The following FAM78B variants were observed in gnomAD, a reference collection of about 807,000 sequenced individuals.
The protein encoded by FAM78B is family with sequence similarity 78 member B.
A neutral mutation model predicts 20.0 loss-of-function variants in FAM78B; 10 were observed. The ratio of observed to expected loss-of-function variants is 0.50; its 90% confidence interval spans 0.31 to 0.85. The LOEUF (loss-of-function observed/expected upper bound fraction) is 0.85, where lower values mean the gene tolerates loss of function less well. FAM78B is among the 40% of genes least tolerant of loss of function. FAM78B has a pLI of 0.05. For synonymous variants in FAM78B, 135 were observed against 132.8 expected (o/e 1.02, Z -0.12); for missense variants, 283 against 345.0 (o/e 0.82, Z 1.42).
At chr1:166,133,712 G>A (rs1654963940) in intron 1 of FAM78B, among the ~76,000 whole-genome samples, 1 of 152,200 alleles carries the variant, frequency 6.6e-6, no homozygotes, top group Middle Eastern at 3.4e-3. Flanking sequence ...GCAGGTCTTT[G>A]CACACCTGTG....
chr1:166,082,895 C>T (rs1278392112), intron 1 of FAM78B, among the ~76,000 whole-genome samples: 4 of 152,162 alleles, frequency 2.6e-5, no homozygotes, highest in African/African-American at 9.6e-5. Context: ...TGGCAAGGTA[C>T]TAAGTGCCTT....
chr1:166,127,306 T>A (rs1424579400), intron 1 of FAM78B, among the ~76,000 whole-genome samples: 1 of 152,166 alleles, frequency 6.6e-6, no homozygotes, highest in African/African-American at 2.4e-5. Flanking sequence ...AGAGACTGCA[T>A]ATATATTGGC....
chr1:166,161,364 T>A (rs894447116), intron 1 of FAM78B, among the ~76,000 whole-genome samples: 3 of 152,200 alleles, frequency 2.0e-5, no homozygotes, highest in Non-Finnish European at 4.4e-5. Flanking sequence ...GTCAGGCTGG[T>A]CTTGAACTCC....
In FAM78B at chr1:166,070,298, C is replaced by T; in HGVS notation, c.729G>A (p.Gln243=). ...CCCGCTTGGGCCTCCACATGAGGAC[C>T]TGGGCATCATTGGCATTGGGTTTCA... ...ALVKPNANDA[Q]VLMWRPKRGP... The change falls in exon 2 of 2, where the codon CAG becomes CAA. Residue 243 remains glutamine, a synonymous_variant. Transcript: ENST00000354422. 1 of 1,579,582 alleles carries T rather than the reference C, an allele frequency of 6.3e-7. No homozygotes were observed. The highest frequency in any genetic ancestry group is 8.6e-7 in the Non-Finnish European group (1 of 1,160,938).
chr1:166,118,411 A>T (rs879498120), intron 1 of FAM78B, among the ~76,000 whole-genome samples: 1 of 152,194 alleles, frequency 6.6e-6, no homozygotes, highest in Non-Finnish European at 1.5e-5. Context: ...TCACATAGCA[A>T]ATAAAAGAAC....
intron 1 of FAM78B, among the ~76,000 whole-genome samples, chr1:166,078,385 G>A (rs1652420678): frequency 6.6e-6 from 1 of 152,074 alleles, no homozygotes; most frequent in Non-Finnish European, 1.5e-5. Context: ...TCTCCTCACT[G>A]TGATAAACAG....
chr1:166,154,610 G>A (rs1267696315), intron 1 of FAM78B: 4 of 436,082 alleles, frequency 9.2e-6, no homozygotes, highest in Non-Finnish European at 1.9e-5. Context: ...TCTGCCTGAA[G>A]ACCTGGACCC....
chr1:166,149,597 T>C (rs1046219506), intron 1 of FAM78B, among the ~76,000 whole-genome samples: 1 of 152,202 alleles, frequency 6.6e-6, no homozygotes, highest in Non-Finnish European at 1.5e-5. Flanking sequence ...TTTCTCTCAT[T>C]ACATGGAGAA....
At chr1:166,149,629 T>C (rs1002452849) in intron 1 of FAM78B, among the ~76,000 whole-genome samples, 3 of 152,224 alleles carry the variant, frequency 2.0e-5, no homozygotes, top group Non-Finnish European at 4.4e-5. Context: ...TCTCTAAAAG[T>C]TGAGTGTGAG....
intron 1 of FAM78B, among the ~76,000 whole-genome samples, chr1:166,084,237 A>ACACACACACACACACACACACACACT (rs771421402): frequency 1.0e-3 from 126 of 125,436 alleles, no homozygotes; most frequent in African/African-American, 3.5e-3. Context: ...ACACACACAC[A>ACACACACACACACACACACACACACT]CTCTCTCTCT....
At chr1:166,142,198 T>C (rs1366541458) in intron 1 of FAM78B, among the ~76,000 whole-genome samples, 2 of 152,164 alleles carry the variant, frequency 1.3e-5, no homozygotes, top group Non-Finnish European at 2.9e-5. Flanking sequence ...AAACCATTAT[T>C]GGGGAGTGGA....
intron 1 of FAM78B, among the ~76,000 whole-genome samples, chr1:166,105,784 G>C (rs1455807762): frequency 6.6e-6 from 1 of 151,698 alleles, no homozygotes; most frequent in Non-Finnish European, 1.5e-5. Flanking sequence ...CAACCATTGT[G>C]GAAGTCAGTG....
At chr1:166,105,269 C>G (rs1349214949) in intron 1 of FAM78B, among the ~76,000 whole-genome samples, 1 of 152,192 alleles carries the variant, frequency 6.6e-6, no homozygotes, top group African/African-American at 2.4e-5. Flanking sequence ...AAAACCTAGG[C>G]AATACCAGTC....
At chr1:166,099,608 G>A (rs1425566612) in intron 1 of FAM78B, among the ~76,000 whole-genome samples, 1 of 152,190 alleles carries the variant, frequency 6.6e-6, no homozygotes. Flanking sequence ...GTAGCAGCGA[G>A]CAGGGGTAGG....
chr1:166,166,188 ACAC>A lies in FAM78B; in HGVS notation c.58_60del (p.Val20del). 1 of 1,595,088 alleles carries A rather than the reference ACAC, an allele frequency of 6.3e-7. No homozygotes were observed. The highest frequency in any genetic ancestry group is 8.5e-7 in the Non-Finnish European group (1 of 1,170,450). ...TGGTCGATGGTGGCGCACACATCGT[ACAC>A]CACGATGTTCTCGCGCCGGATCCGC... is the stretch of plus-strand genomic sequence containing the variant. On this transcript the variant is annotated inframe_deletion, in exon 1 of 2. Transcript: ENST00000354422.
At chr1:166,141,163 C>A (rs931417622) in intron 1 of FAM78B, among the ~76,000 whole-genome samples, 6 of 152,198 alleles carry the variant, frequency 3.9e-5, no homozygotes, top group East Asian at 3.9e-4. Context: ...ATATGAAGTG[C>A]GTACTGGGGC....
chr1:166,128,997 C>A (rs1332188931), intron 1 of FAM78B, among the ~76,000 whole-genome samples: 3 of 152,020 alleles, frequency 2.0e-5, no homozygotes, highest in African/African-American at 7.3e-5. Flanking sequence ...AAAAACAGAC[C>A]AAAGTTGGGT....
At chr1:166,107,011 G>C (rs1369278381) in intron 1 of FAM78B, among the ~76,000 whole-genome samples, 1 of 152,008 alleles carries the variant, frequency 6.6e-6, no homozygotes, top group African/African-American at 2.4e-5. Context: ...GGTGCTAAGA[G>C]GAAAGTTCCT....
At chr1:166,157,913 G>A (rs1655980057) in intron 1 of FAM78B, among the ~76,000 whole-genome samples, 1 of 152,158 alleles carries the variant, frequency 6.6e-6, no homozygotes, top group Admixed American at 6.5e-5. Flanking sequence ...CAGCATGAAA[G>A]GAGCTTATTC....
Sources: allele counts gnomAD v4.1 joint callset (sites outside exome capture counted in the v4.1 genomes callset), GRCh38; gene constraint gnomAD v4.1.1; transcripts MANE v1.5; gene names NCBI Gene and HGNC (gene_info 2026-07-23, HGNC 2026-07-21).